Variants in SH2B3 observed in about 807,000 individuals in gnomAD.
SH2B3 encodes the protein SH2B adaptor protein 3, also known as SH2B adapter protein 3.
A neutral mutation model predicts 51.9 loss-of-function variants in SH2B3; 43 were observed. The observed-to-expected ratio is 0.83, with a 90% CI of 0.65 to 1.07. The LOEUF (loss-of-function observed/expected upper bound fraction) is 1.07, where lower values mean the gene tolerates loss of function less well. Ranked by LOEUF, SH2B3 falls within the 50% of genes least tolerant of loss-of-function variation. SH2B3 has a pLI of 0.00. For synonymous variants in SH2B3, 396 were observed against 376.0 expected (o/e 1.05, Z -0.62); for missense variants, 952 against 834.3 (o/e 1.14, Z -1.74).
chr12:111,444,781 C>T (rs981642940), intron 2 of SH2B3: 8 of 985,524 alleles, frequency 8.1e-6, no homozygotes, highest in Non-Finnish European at 9.6e-6. Context: ...TCGACTGAAG[C>T]AGGGGTTGTC....
intron 2 of SH2B3, among the ~76,000 whole-genome samples, chr12:111,439,320 T>C (rs1565984061): frequency 1.3e-5 from 2 of 152,334 alleles, no homozygotes; most frequent in East Asian, 3.9e-4. Flanking sequence ...TGGCTAATTT[T>C]GTATTTTTAG....
At position 111,435,080 on chromosome 12, in the gene SH2B3, T is replaced by G. The variant is rs764181820; in HGVS notation, c.733-11673T>G. 2.1e-5 allele frequency: 29 copies of G among 1,401,170 alleles called. No individual in the cohort carries two copies. Among genetic ancestry groups the G allele is most frequent in the Non-Finnish European group, 3.9e-6 (4 of 1,028,314 alleles). 86.8% of individuals were successfully genotyped at this position (1,401,170 alleles called of 1,614,324 possible). On this transcript the variant is annotated intron_variant, in intron 2 of 7. Coordinates refer to ENST00000341259, the MANE Select transcript of SH2B3 (RefSeq NM_005475.3). This position sits in a 1 kb window ranked among gnomAD's most constrained non-coding sequence, Gnocchi z 4.8. ...CTTTGGGGATCTTGGTGGTGATGAG[T>G]CCCCTCTCCTCTGGTGCACTCTCCC... is the stretch of plus-strand genomic sequence containing the variant.
In SH2B3 at chr12:111,448,635, G is replaced by T; in HGVS notation, c.*333G>T. The T allele has an allele frequency of 3.7e-6, 1 of 268,050 alleles. No individual in the cohort carries two copies. The allele number at this position is 268,050 out of a possible 1,614,324, so 16.6% of individuals were successfully genotyped here. On this transcript the variant is annotated 3_prime_UTR_variant, in exon 8 of 8. Coordinates refer to ENST00000341259, the MANE Select transcript of SH2B3 (RefSeq NM_005475.3). ...GGGCCAGAGCTGGCAGTGGAAACTT[G>T]TTCTCTTTTTCACTGACACTGTCAC...
intron 2 of SH2B3, among the ~76,000 whole-genome samples, chr12:111,443,240 C>T (rs1482508339): frequency 2.0e-5 from 3 of 152,172 alleles, no homozygotes; most frequent in Non-Finnish European, 2.9e-5. Flanking sequence ...GCTGCGTGAC[C>T]CCACGAGGCT....
rs374931521 is a variant in SH2B3, at chr12:111,447,372, C to T, written c.1064C>T (p.Thr355Met). The part of the protein sequence containing the change: ...GGLLDPACQK[T>M]DHFLSCYPWF... ...CTGCTGGACCCGGCCTGCCAGAAGA[C>T]GGACCATTTCCTGTCCTGCTACCCC... Residue 355 changes from threonine (T) to methionine (M), a missense_variant, in exon 6 of 8, where the codon ACG becomes ATG. Transcript: ENST00000341259. The T allele has an allele frequency of 8.2e-5, 133 of 1,614,054 alleles. No homozygotes were observed. Among genetic ancestry groups the T allele is most frequent in the Non-Finnish European group, 9.6e-5 (113 of 1,179,974 alleles).
Position 111,418,168 on chromosome 12 carries a change from C to A in SH2B3, c.23C>A (p.Pro8His). 6.5e-7 allele frequency: 1 copy of A among 1,540,760 alleles called. No individual in the cohort carries two copies. Among genetic ancestry groups the A allele is most frequent in the Non-Finnish European group, 8.6e-7 (1 of 1,157,834 alleles). ...GCCATGAACGGGCCTGCCCTGCAGC[C>A]CTCCTCGCCCTCTTCCGCGCCCTCA... MNGPALQ[P>H]SSPSSAPSAS... Residue 8 changes from proline (P) to histidine (H), a missense_variant, in exon 2 of 8, where the codon CCC (proline) becomes CAC (histidine). Physicochemically the swap from Pro to His is moderately conservative, Grantham distance 77. Transcript: ENST00000341259. This position sits in a 1 kb window ranked among gnomAD's most constrained non-coding sequence, Gnocchi z 6.7.
At chr12:111,408,640 C>G (rs915927529) in intron 1 of SH2B3, among the ~76,000 whole-genome samples, 2 of 152,114 alleles carry the variant, frequency 1.3e-5, no homozygotes, top group African/African-American at 2.4e-5. Flanking sequence ...GACCGGGTGC[C>G]CTCCCCAGCC....
rs779973889 is a variant in SH2B3 at position 111,448,163 on chromosome 12, C to T, written c.1589C>T (p.Pro530Leu). The change falls in exon 8 of 8, where the codon CCT becomes CTT. Residue 530 changes from proline to leucine, a missense_variant. Coordinates refer to ENST00000341259, the MANE Select transcript of SH2B3 (RefSeq NM_005475.3). Reference sequence around the variant, plus strand: ...CCCGAGCAGATCTTCCACCTGGTGCCTTCGCCCGAAGAACTGGCCAACAGC... The same window carrying T: ...CCCGAGCAGATCTTCCACCTGGTGCTTTCGCCCGAAGAACTGGCCAACAGC... ...SPPEQIFHLV[P>L]SPEELANSLQ... The T allele has an allele frequency of 3.7e-6, 6 of 1,614,164 alleles. No individual in the cohort carries two copies. In the Admixed American group the frequency reaches 6.7e-5, roughly 18 times the overall value.
chr12:111,417,492 T>TTTATTTATTTA (rs1593036008), intron 1 of SH2B3, among the ~76,000 whole-genome samples: 2 of 88,854 alleles, frequency 2.3e-5, no homozygotes, highest in African/African-American at 1.4e-4. Flanking sequence ...TTATTTATTT[T>TTTATTTATTTA]TTGAGACAGA....
chr12:111,415,988 C>G (rs1871055924), intron 1 of SH2B3, among the ~76,000 whole-genome samples: 2 of 152,110 alleles, frequency 1.3e-5, no homozygotes, highest in Non-Finnish European at 2.9e-5. Flanking sequence ...GTTGCCCAGG[C>G]TGGAGTCCAG....
At position 111,418,520 on chromosome 12, in the gene SH2B3, C is replaced by A; in HGVS notation, c.375C>A (p.Ala125=). ...AGGCCCGCAGCTCTGAGGAGCTGGC[C>A]CCGCCGCGGCCGCCCGGGCCCTGCT... ...LPKARSSEEL[A]PPRPPGPCSF... Residue 125 remains alanine, a synonymous_variant, in exon 2 of 8, where the codon GCC becomes GCA. Transcript: ENST00000341259. This position sits in a 1 kb window ranked among gnomAD's most constrained non-coding sequence, Gnocchi z 6.7. The A allele has an allele frequency of 7.2e-7, 1 of 1,389,810 alleles. No individual in the cohort carries two copies. The highest frequency in any genetic ancestry group is 9.3e-7 in the Non-Finnish European group (1 of 1,073,438). 86.1% of individuals were successfully genotyped at this position (1,389,810 alleles called of 1,614,324 possible). A position where few individuals can be genotyped will look rare whatever the true frequency, so the allele number is the denominator to read the frequency against.
At chr12:111,445,054 T>C (rs1283376254) in intron 2 of SH2B3, among the ~76,000 whole-genome samples, 1 of 152,198 alleles carries the variant, frequency 6.6e-6, no homozygotes, top group East Asian at 1.9e-4. Context: ...GCCTGCCTGC[T>C]CAGCAGTTCT....
rs1420149381 is a variant in SH2B3 at position 111,407,286 on chromosome 12, G to C, written c.-28+1009G>C. On this transcript the variant is annotated intron_variant, in intron 1 of 7. Transcript: ENST00000341259. The surrounding 1 kb of genome is among the most constrained non-coding windows in gnomAD (Gnocchi z 4.3). ...GTGGGAGGAAGTGAAATCTGGTGGG[G>C]GGTTCAGAGCAGAGGCCCCGGCAAG... Among the ~76,000 whole-genome samples, 1 of 152,192 alleles carries C rather than the reference G, an allele frequency of 6.6e-6. No homozygotes were observed. The highest frequency in any genetic ancestry group is 1.5e-5 in the Non-Finnish European group (1 of 68,028).
chr12:111,427,993 C>A (rs2094864925), intron 2 of SH2B3, among the ~76,000 whole-genome samples: 1 of 152,220 alleles, frequency 6.6e-6, no homozygotes, highest in African/African-American at 2.4e-5. Context: ...GGAACCTGGG[C>A]AGTTGGCTGC....
Position 111,447,402 on chromosome 12 carries a change from TCCACGGCC to T in SH2B3, c.1098_1105del (p.Gly367LeufsTer15). 6.2e-7 allele frequency: 1 copy of T among 1,614,104 alleles called. No homozygotes were observed. The highest frequency in any genetic ancestry group is 8.5e-7 in the Non-Finnish European group (1 of 1,179,994). ...CATTTCCTGTCCTGCTACCCCTGGT[TCCACGGCC>T]CCATCTCCAGAGTGAAAGCAGCTCA... On this transcript the variant is annotated frameshift_variant, in exon 6 of 8. Transcript: ENST00000341259. LOFTEE classifies it high-confidence loss of function.
intron 2 of SH2B3, among the ~76,000 whole-genome samples, chr12:111,423,297 G>A (rs979106434): frequency 2.6e-5 from 4 of 152,202 alleles, no homozygotes; most frequent in Admixed American, 6.5e-5. Context: ...TCTCAAGGCT[G>A]TGACACCATG....
chr12:111,434,176 T>C (rs930109201), intron 2 of SH2B3, among the ~76,000 whole-genome samples: 1 of 152,216 alleles, frequency 6.6e-6, no homozygotes, highest in South Asian at 2.1e-4. Flanking sequence ...ATGATTCATA[T>C]ACCATAAAAT....
rs1363232653 is a variant in SH2B3, at chr12:111,418,896, C to T, written c.732+19C>T. The stretch of plus-strand genomic sequence containing the variant: ...ACCCAAGGTAAGTAAGCCCTGCCCG[C>T]GGGGTTGCGCACTGCACTGCGCCCT... On this transcript the variant is annotated intron_variant, in intron 2 of 7. Coordinates refer to ENST00000341259, the MANE Select transcript of SH2B3 (RefSeq NM_005475.3). This position sits in a 1 kb window ranked among gnomAD's most constrained non-coding sequence, Gnocchi z 6.7. The T allele has an allele frequency of 7.9e-6, 11 of 1,390,724 alleles. No individual in the cohort carries two copies. Among genetic ancestry groups the T allele is most frequent in the South Asian group, 1.6e-5 (1 of 62,496 alleles). 86.1% of individuals were successfully genotyped at this position (1,390,724 alleles called of 1,614,324 possible). A position where few individuals can be genotyped will look rare whatever the true frequency, so the allele number is the denominator to read the frequency against.
At chr12:111,417,403 T>A (rs1278010510) in intron 1 of SH2B3, among the ~76,000 whole-genome samples, 2 of 152,138 alleles carry the variant, frequency 1.3e-5, no homozygotes, top group Non-Finnish European at 2.9e-5. Flanking sequence ...GGAAAAGTTG[T>A]CAACTTTTCA....
Sources: gnomAD v4.1 joint callset for allele counts (sites outside exome capture counted in the v4.1 genomes callset) on GRCh38, gnomAD v4.1.1 for gene constraint, Gnocchi (gnomAD v3.1) non-coding constraint, MANE v1.5 for transcripts, NCBI Gene and HGNC (gene_info 2026-07-23, HGNC 2026-07-21) for gene names.